RARB: variants seen among roughly 807,000 people sequenced by gnomAD.
RARB encodes retinoic acid receptor beta.
In RARB, 17 loss-of-function variants were observed where a neutral mutation model predicts 51.9. The ratio of observed to expected loss-of-function variants is 0.33; its 90% confidence interval spans 0.22 to 0.49. RARB has a LOEUF of 0.49. Among genes scored for constraint, RARB ranks in the 20% least tolerant of loss-of-function variants. The pLI is 0.99. For synonymous variants in RARB, 215 were observed against 195.4 expected, an observed-to-expected ratio of 1.10 and a Z score of -0.84; for missense variants, 369 against 550.8, an observed-to-expected ratio of 0.67 and a Z score of 3.30.
At chr3:25,311,638 T>TGA (rs1269338755) in intron 5 of RARB, among the ~76,000 whole-genome samples, 1 of 152,222 alleles carries the variant, frequency 6.6e-6, no homozygotes, top group Non-Finnish European at 1.5e-5. Context: ...GGAAGCAGGG[T>TGA]GAGGTTTATG....
intron 5 of RARB, among the ~76,000 whole-genome samples, chr3:25,248,906 C>A (rs2125400456): frequency 6.6e-6 from 1 of 152,196 alleles, no homozygotes; most frequent in Non-Finnish European, 1.5e-5. Flanking sequence ...CTACACTCTG[C>A]CATGAATAAG....
chr3:25,033,605 C>G (rs1299915052), intron 2 of RARB, among the ~76,000 whole-genome samples: 2 of 152,162 alleles, frequency 1.3e-5, no homozygotes, highest in Non-Finnish European at 2.9e-5. Flanking sequence ...GGTCAACAGT[C>G]AAGAAGAGCT....
intron 1 of RARB, among the ~76,000 whole-genome samples, chr3:24,830,882 A>G (rs1379157182): frequency 6.6e-6 from 1 of 152,012 alleles, no homozygotes; most frequent in African/African-American, 2.4e-5. Context: ...TTAATTTTTA[A>G]AAGAGGTGCT....
intron 3 of RARB, among the ~76,000 whole-genome samples, chr3:25,062,800 A>G (rs1013856807): frequency 1.3e-5 from 2 of 151,982 alleles, no homozygotes; most frequent in African/African-American, 4.8e-5. Flanking sequence ...AATTAGGTAT[A>G]GGATTTCTTT....
chr3:24,909,901 G>T (rs571692692), intron 2 of RARB, among the ~76,000 whole-genome samples: 55 of 152,218 alleles, frequency 3.6e-4, no homozygotes, highest in African/African-American at 1.2e-3. Context: ...GTCTCTGTGT[G>T]TGTGTTTGTA....
intron 2 of RARB, among the ~76,000 whole-genome samples, chr3:24,902,119 T>A (rs1703621459): frequency 6.6e-6 from 1 of 152,044 alleles, no homozygotes; most frequent in Non-Finnish European, 1.5e-5. Context: ...TTGATGTTCT[T>A]ATTATCTCTG....
intron 3 of RARB, among the ~76,000 whole-genome samples, chr3:25,063,183 T>C (rs945944425): frequency 2.0e-5 from 3 of 151,972 alleles, no homozygotes; most frequent in Admixed American, 6.6e-5. Flanking sequence ...GCAAATACAA[T>C]AGAATCTATA....
intron 5 of RARB, among the ~76,000 whole-genome samples, chr3:25,279,052 C>T (rs1703459537): frequency 6.6e-6 from 1 of 152,282 alleles, no homozygotes; most frequent in East Asian, 1.9e-4. Flanking sequence ...ACAGAAATAC[C>T]ATACACTCAT....
intron 2 of RARB, among the ~76,000 whole-genome samples, chr3:24,929,605 C>T (rs1224715809): frequency 6.6e-6 from 1 of 152,022 alleles, no homozygotes; most frequent in African/African-American, 2.4e-5. Context: ...TTATAAACAC[C>T]ATGCTAGATT....
At chr3:25,050,480 T>C (rs1424672657) in intron 2 of RARB, among the ~76,000 whole-genome samples, 1 of 152,200 alleles carries the variant, frequency 6.6e-6, no homozygotes, top group Admixed American at 6.5e-5. Flanking sequence ...GTGAAGTGAT[T>C]TGATTTTCGA....
chr3:25,024,311 CTGTT>C (rs1697698715), intron 2 of RARB, among the ~76,000 whole-genome samples: 5 of 152,144 alleles, frequency 3.3e-5, no homozygotes, highest in Non-Finnish European at 4.4e-5. Flanking sequence ...TATTTATTGA[CTGTT>C]AGTTAATAAA....
rs558509082 is a variant in RARB, at chr3:25,334,706, G to A, written c.179-126487G>A. 3.3e-5 allele frequency among the ~76,000 whole-genome samples: 5 copies of A among 150,186 alleles called. No individual in the cohort carries two copies. The East Asian group carries it at 5.8e-4, about 17-fold the overall frequency. On this transcript the variant is annotated intron_variant, in intron 5 of 11. Transcript: ENST00000383772. ...AAAAAGTAAAAAATAAATCCTTAAT[G>A]TAAAAATAAATAAATAAGTGGTTTC...
chr3:25,249,659 G>A (rs1702657442), intron 5 of RARB, among the ~76,000 whole-genome samples: 1 of 147,550 alleles, frequency 6.8e-6, no homozygotes, highest in Non-Finnish European at 1.5e-5. Context: ...TTCTGGGTAT[G>A]CAGTAGTGTA....
chr3:25,243,384 G>A (rs1370628265), intron 5 of RARB, among the ~76,000 whole-genome samples: 1 of 152,172 alleles, frequency 6.6e-6, no homozygotes, highest in Admixed American at 6.5e-5. Flanking sequence ...CTTGTCTTGT[G>A]CTGGTTTTCA....
intron 2 of RARB, among the ~76,000 whole-genome samples, chr3:24,992,173 T>G (rs1257129703): frequency 6.6e-6 from 1 of 152,210 alleles, no homozygotes; most frequent in Non-Finnish European, 1.5e-5. Context: ...TTATATTGTT[T>G]GGAAGAAGTA....
intron 1 of RARB, among the ~76,000 whole-genome samples, chr3:25,446,132 T>G (rs1708920656): frequency 6.6e-6 from 1 of 152,240 alleles, no homozygotes; most frequent in African/African-American, 2.4e-5. Flanking sequence ...GAAGAAAATG[T>G]GTAGCCCTTA....
chr3:25,231,402 C>A (rs1015817529), intron 5 of RARB, among the ~76,000 whole-genome samples: 2 of 152,102 alleles, frequency 1.3e-5, no homozygotes, highest in African/African-American at 4.8e-5. Flanking sequence ...TGGGTGTCTT[C>A]TAGCTGTCCA....
chr3:25,216,019 C>A (rs116375625), intron 5 of RARB, among the ~76,000 whole-genome samples: 1,735 of 152,282 alleles, frequency 0.011, 45 homozygotes, highest in African/African-American at 0.04. Context: ...TGGACTAATG[C>A]TTTCAGAGCC....
chr3:25,259,177 C>A, intron 5 of RARB: 1 of 707,484 alleles, frequency 1.4e-6, no homozygotes, highest in Non-Finnish European at 1.7e-6. Context: ...TAAAGTAGAG[C>A]AAATCCACTG....
Sources: allele counts gnomAD v4.1 joint callset (sites outside exome capture counted in the v4.1 genomes callset), GRCh38; gene constraint gnomAD v4.1.1; transcripts MANE v1.5; gene names NCBI Gene and HGNC (gene_info 2026-07-23, HGNC 2026-07-21).